The following EEFSEC variants were observed in gnomAD, a reference collection of about 807,000 sequenced individuals.
The protein encoded by EEFSEC is selenocysteine-specific elongation factor.
A neutral mutation model predicts 42.1 loss-of-function variants in EEFSEC; 43 were observed. That is an observed-to-expected ratio of 1.02 (90% CI 0.80 to 1.32). The LOEUF is 1.32. Ranked by LOEUF, EEFSEC falls within the 40% of genes most tolerant of loss-of-function variation. The pLI, the probability that EEFSEC is intolerant of heterozygous loss-of-function variation, is 0.00. For missense variants in EEFSEC, 745 were observed against 803.6 expected, an observed-to-expected ratio of 0.93 and a Z score of 0.88; for synonymous variants, 354 against 339.1, an observed-to-expected ratio of 1.04 and a Z score of -0.48.
Position 128,358,339 on chromosome 3 carries a change from C to G in EEFSEC, c.1566C>G (p.Phe522Leu), listed in dbSNP as rs776866885. ...AACTGGGCATCATCGACAGTGCCTT[C>G]GGCCAGAGCGGCAAGTTCAAGATCC... ...TGELGIIDSA[F>L]GQSGKFKIHI... Residue 522 changes from phenylalanine to leucine, a missense_variant, in exon 6 of 7, where the codon TTC becomes TTG. Coordinates refer to ENST00000254730, the MANE Select transcript of EEFSEC (RefSeq NM_021937.5). 3.7e-6 allele frequency: 6 copies of G among 1,614,256 alleles called. No homozygotes were observed. The South Asian group carries it at 5.5e-5, about 15-fold the overall frequency.
At position 128,319,216 on chromosome 3, in the gene EEFSEC, A is replaced by T. The variant is rs534758501; in HGVS notation, c.787-22017A>T. Among the ~76,000 whole-genome samples the T allele has an allele frequency of 1.6e-4, 25 of 152,280 alleles. 1 individual carries two copies. The East Asian group carries it at 1.9e-3, about 12-fold the overall frequency. Reference sequence around the variant, plus strand: ...CATTTTCTGTGGCTCCTGACCCTCAAGGCAGAAGTAGCAGGCCAGCGGGCG... The same window carrying T: ...CATTTTCTGTGGCTCCTGACCCTCATGGCAGAAGTAGCAGGCCAGCGGGCG... On this transcript the variant is annotated intron_variant, in intron 4 of 6. Coordinates refer to ENST00000254730, the MANE Select transcript of EEFSEC (RefSeq NM_021937.5).
chr3:128,319,104 C>T (rs376306058), intron 4 of EEFSEC, among the ~76,000 whole-genome samples: 1 of 152,212 alleles, frequency 6.6e-6, no homozygotes, highest in Non-Finnish European at 1.5e-5. Context: ...TCACACCTGT[C>T]CCACCTGGAA....
rs147106413 is a variant in EEFSEC at position 128,196,235 on chromosome 3, G to A, written c.316+42412G>A. Reference sequence around the variant, plus strand: ...GGTTCTGAGCCAAATGAAATTATTCGTTTATGATCAATTAAATGATGAACA... The same window carrying A: ...GGTTCTGAGCCAAATGAAATTATTCATTTATGATCAATTAAATGATGAACA... On this transcript the variant is annotated intron_variant, in intron 1 of 6. Coordinates refer to ENST00000254730, the MANE Select transcript of EEFSEC (RefSeq NM_021937.5). Among the ~76,000 whole-genome samples, 855 of 152,280 alleles carry A rather than the reference G, an allele frequency of 5.6e-3. 10 individuals carry two copies. The highest frequency in any genetic ancestry group is 0.02 in the African/African-American group (814 of 41,556).
chr3:128,262,559 T>TG lies in EEFSEC; in HGVS notation c.621+338dup, dbSNP rs569207947. On this transcript the variant is annotated intron_variant, in intron 3 of 6. Coordinates refer to ENST00000254730, the MANE Select transcript of EEFSEC (RefSeq NM_021937.5). ...AGCAGCTCCCACCCATCTGGAACCC[T>TG]GGGACCGTGACATCCATTCCAGTCC... is the stretch of plus-strand genomic sequence containing the variant. 3.7e-3 allele frequency among the ~76,000 whole-genome samples: 559 copies of TG among 152,336 alleles called. 1 individual carries two copies. Among genetic ancestry groups the TG allele is most frequent in the Middle Eastern group, 0.02 (6 of 294 alleles).
chr3:128,333,648 C>T (rs993947777), intron 4 of EEFSEC, among the ~76,000 whole-genome samples: 2 of 152,186 alleles, frequency 1.3e-5, no homozygotes, highest in Non-Finnish European at 1.5e-5. Context: ...TCTTCCATAT[C>T]GGCCCTGTGG....
chr3:128,304,842 C>T (rs1455644576), intron 4 of EEFSEC, among the ~76,000 whole-genome samples: 1 of 152,088 alleles, frequency 6.6e-6, no homozygotes, highest in East Asian at 1.9e-4. Flanking sequence ...TAGCTGGGGC[C>T]ACAGGCGTGT....
At chr3:128,375,479 G>A (rs2067698500) in intron 6 of EEFSEC, among the ~76,000 whole-genome samples, 1 of 152,164 alleles carries the variant, frequency 6.6e-6, no homozygotes, top group South Asian at 2.1e-4. Context: ...GGCATGCTTC[G>A]CAGTCGGTCT....
At chr3:128,326,945 G>T (rs1481029546) in intron 4 of EEFSEC, among the ~76,000 whole-genome samples, 1 of 152,160 alleles carries the variant, frequency 6.6e-6, no homozygotes, top group African/African-American at 2.4e-5. Flanking sequence ...TGTGCTCACA[G>T]AAATGCACAG....
chr3:128,187,342 G>C (rs6439117), intron 1 of EEFSEC, among the ~76,000 whole-genome samples: 4 of 152,196 alleles, frequency 2.6e-5, no homozygotes, highest in Admixed American at 6.5e-5. Flanking sequence ...AAATCAGCAT[G>C]TTGATAGAAA....
chr3:128,295,451 C>CTTTTTTTTTTTTTTT (rs201911929), intron 4 of EEFSEC, among the ~76,000 whole-genome samples: 2 of 63,986 alleles, frequency 3.1e-5, no homozygotes, highest in African/African-American at 5.7e-5. Flanking sequence ...CTTCCCCCTA[C>CTTTTTTTTTTTTTTT]TTTTTTTTTT....
chr3:128,373,290 G>C (rs1484578391), intron 6 of EEFSEC, among the ~76,000 whole-genome samples: 1 of 152,234 alleles, frequency 6.6e-6, no homozygotes, highest in Non-Finnish European at 1.5e-5. Flanking sequence ...GGACGAGTGA[G>C]AGAACCTGGC....
intron 5 of EEFSEC, among the ~76,000 whole-genome samples, 196 bp from the exon 6 acceptor site, chr3:128,358,020 CT>C (rs1294119647): frequency 4.6e-5 from 7 of 152,146 alleles, no homozygotes; most frequent in Non-Finnish European, 8.8e-5. Context: ...AGTTGCCAGT[CT>C]CAGGTTTCTG....
chr3:128,388,785 T>C (rs943492735), intron 6 of EEFSEC, among the ~76,000 whole-genome samples: 9 of 152,214 alleles, frequency 5.9e-5, no homozygotes, highest in African/African-American at 2.2e-4. Context: ...GCAGGGGTGT[T>C]TTTTGAAACT....
At chr3:128,279,056 G>A (rs2066497013) in intron 4 of EEFSEC, among the ~76,000 whole-genome samples, 1 of 152,100 alleles carries the variant, frequency 6.6e-6, no homozygotes, top group Admixed American at 6.5e-5. Context: ...TTTCCTTTGA[G>A]TTGGGGAGGA....
the EEFSEC span, among the ~76,000 whole-genome samples, chr3:128,418,823 G>A: frequency 6.6e-6 from 1 of 152,170 alleles, no homozygotes; most frequent in South Asian, 2.1e-4. Context: ...GCACTGAGTT[G>A]GGGTTGGTCA....
intron 5 of EEFSEC, among the ~76,000 whole-genome samples, chr3:128,344,685 GA>G (rs1487182566): frequency 3.3e-5 from 5 of 152,340 alleles, no homozygotes; most frequent in African/African-American, 1.2e-4. Flanking sequence ...CTTGGTGGGA[GA>G]CTTTCCTTCC....
At chr3:128,313,863 A>ACC (rs1167380791) in intron 4 of EEFSEC, among the ~76,000 whole-genome samples, 2 of 152,052 alleles carry the variant, frequency 1.3e-5, no homozygotes, top group Non-Finnish European at 2.9e-5. Flanking sequence ...CTCCCTGACA[A>ACC]CCCCCTGTCT....
At chr3:128,421,841 G>A in the EEFSEC span, among the ~76,000 whole-genome samples, 74 of 152,292 alleles carry the variant, frequency 4.9e-4, no homozygotes, top group African/African-American at 1.6e-3. Context: ...CTCAGCCCCG[G>A]TTACCCTGGA....
chr3:128,365,742 T>C (rs1008803747), intron 6 of EEFSEC, among the ~76,000 whole-genome samples: 3 of 152,186 alleles, frequency 2.0e-5, no homozygotes, highest in African/African-American at 4.8e-5. Context: ...CACAGGAGAT[T>C]AACCAGCCAC....
Sources: gnomAD v4.1 joint callset for allele counts (sites outside exome capture counted in the v4.1 genomes callset) on GRCh38, gnomAD v4.1.1 for gene constraint, MANE v1.5 for transcripts, NCBI Gene and HGNC (gene_info 2026-07-23, HGNC 2026-07-21) for gene names.